The following CELSR1 variants were observed in gnomAD, a reference collection of about 807,000 sequenced individuals.
CELSR1 encodes adhesion G protein-coupled receptor C1.
A neutral mutation model predicts 249.1 loss-of-function variants in CELSR1; 110 were observed. That is an observed-to-expected ratio of 0.44 (90% CI 0.38 to 0.52). CELSR1 has a LOEUF of 0.52. CELSR1 is among the 20% of genes least tolerant of loss of function. The pLI is 0.00. For missense variants in CELSR1, 4,109 were observed against 4,296.4 expected, an observed-to-expected ratio of 0.96 and a Z score of 1.22; for synonymous variants, 2,113 against 1,900.0, an observed-to-expected ratio of 1.11 and a Z score of -2.92.
intron 12 of CELSR1, 63 bp downstream of exon 12, chr22:46,397,611 C>A: frequency 2.2e-6 from 3 of 1,354,656 alleles, no homozygotes; most frequent in Non-Finnish European, 2.9e-6. Context: ...CTGAGCCCCC[C>A]TCCTGTGTTT....
rs148833987 is a variant in CELSR1 at position 46,536,045 on chromosome 22, G to C, written c.1126C>G (p.Arg376Gly). ...ATGGGCGAGTCGCGGTCGCTGGCGC[G>C]GATGGTCAGCACCTCGTAGCCCACC... ...LEVGYEVLTIRASDRDSPINA... is the reference protein window; with the variant it reads ...LEVGYEVLTIGASDRDSPINA... Residue 376 changes from arginine to glycine, a missense_variant, in exon 1 of 35, where the codon CGC becomes GGC. Physicochemically the swap from Arg to Gly is moderately radical, Grantham distance 125. Around this residue, in one of 7 missense-constraint regions of CELSR1, gnomAD observed 673 missense variants for 636.8 expected, o/e 1.06. Transcript: ENST00000674500. 8 of 1,610,518 alleles carry C rather than the reference G, an allele frequency of 5.0e-6. No individual in the cohort carries two copies. In the African/African-American group the frequency reaches 8.0e-5, roughly 16 times the overall value.
At chr22:46,453,754 T>C (rs1391502306) in intron 2 of CELSR1, among the ~76,000 whole-genome samples, 2 of 152,188 alleles carry the variant, frequency 1.3e-5, no homozygotes, top group Non-Finnish European at 2.9e-5. Context: ...CCAGCAGCCC[T>C]GGGTCCAGAT....
chr22:46,391,054 G>T lies in CELSR1; in HGVS notation c.6250+132C>A. The T allele has an allele frequency of 2.8e-6, 2 of 710,138 alleles. No individual in the cohort carries two copies. Among genetic ancestry groups the T allele is most frequent in the Non-Finnish European group, 2.3e-6 (1 of 429,516 alleles). The allele number at this position is 710,138 out of a possible 1,614,324, so 44.0% of individuals were successfully genotyped here. On this transcript the variant is annotated intron_variant, in intron 16 of 34. Transcript: ENST00000674500. This position sits in a 1 kb window ranked among gnomAD's most constrained non-coding sequence, Gnocchi z 4.3. ...ATTTCCTGGTAGGGAAAAGGCGATC[G>T]GATTTCTCCCCAGCACTTTGCCTGC...
rs1444720635 is a variant in CELSR1, at chr22:46,366,406, G to A, written c.8280C>T (p.Ala2760=). The A allele has an allele frequency of 2.6e-6, 4 of 1,549,856 alleles. No individual in the cohort carries two copies. Residue 2760 remains alanine (A), a synonymous_variant, in exon 30 of 35, where the codon GCC becomes GCT. Coordinates refer to ENST00000674500, the MANE Select transcript of CELSR1 (RefSeq NM_001378328.1). ...MLRTDLGEST[A]SLDSIVRDEG... is the part of the protein sequence containing the mutation. ...CTGACCTGACGATGCTGTCCAGCGAGGCGGTGGACTCGCCCAAGTCTGTGC... is the reference window on the plus strand; with the variant it reads ...CTGACCTGACGATGCTGTCCAGCGAAGCGGTGGACTCGCCCAAGTCTGTGC...
chr22:46,385,307 G>A (rs2079020445), intron 19 of CELSR1, among the ~76,000 whole-genome samples: 1 of 152,020 alleles, frequency 6.6e-6, no homozygotes. Context: ...TATGGCGCCT[G>A]GCTGGTTTCG....
chr22:46,528,134 A>G (rs1602244317), intron 1 of CELSR1, among the ~76,000 whole-genome samples: 1 of 150,202 alleles, frequency 6.7e-6, no homozygotes, highest in Admixed American at 6.6e-5. Flanking sequence ...ATCCTTCCCT[A>G]CCCTGTGAGT....
At chr22:46,422,925 C>T (rs2079494435) in intron 5 of CELSR1, among the ~76,000 whole-genome samples, 1 of 152,226 alleles carries the variant, frequency 6.6e-6, no homozygotes, top group Admixed American at 6.5e-5. Context: ...TGGTATCCAC[C>T]TTTGCTATAA....
rs1213659919 is a variant in CELSR1, at chr22:46,537,593, G to A, written c.-423C>T. 5.4e-5 allele frequency among the ~76,000 whole-genome samples: 8 copies of A among 147,370 alleles called. No individual in the cohort carries two copies. The highest frequency in any genetic ancestry group is 1.7e-4 in the African/African-American group (7 of 40,902). ...AGCTCCGCGCCGCGCAGACCCCGGC[G>A]GCCGGCTGCTGCCTGGGCGGTGCGC... On this transcript the variant is annotated 5_prime_UTR_variant, in exon 1 of 35. Coordinates refer to ENST00000674500, the MANE Select transcript of CELSR1 (RefSeq NM_001378328.1). The surrounding 1 kb of genome is among the most constrained non-coding windows in gnomAD (Gnocchi z 5.8).
chr22:46,365,395 G>T lies in CELSR1; in HGVS notation c.8405-15C>A. 6.2e-7 allele frequency: 1 copy of T among 1,611,650 alleles called. No homozygotes were observed. On this transcript the variant is annotated splice_polypyrimidine_tract_variant and intron_variant, in intron 31 of 34. Transcript: ENST00000674500. Reference sequence around the variant, plus strand: ...GGAATCGTGGCCTGTGGATGCGCGGGGGACAGGGAGGCTCAGGCCCTGGGA... The same window carrying T: ...GGAATCGTGGCCTGTGGATGCGCGGTGGACAGGGAGGCTCAGGCCCTGGGA...
intron 1 of CELSR1, among the ~76,000 whole-genome samples, chr22:46,498,365 TC>T (rs570492289): frequency 1.4e-4 from 20 of 140,902 alleles, no homozygotes; most frequent in Non-Finnish European, 2.6e-4. Context: ...ATCCCAGCAC[TC>T]TGGGAGGCCA....
chr22:46,464,065 G>C lies in CELSR1; in HGVS notation c.3825C>G (p.Phe1275Leu). ...LLPGGVRGQF[F>L]PSEDLQEQIY... ...TCTGCTCCTGCAGGTCCTCCGACGG[G>C]AAGAACTGGCCGCGGACGCCGCCAG... Residue 1275 changes from phenylalanine to leucine, a missense_variant, in exon 2 of 35, where the codon TTC becomes TTG. By Grantham distance (22) the Phe-to-Leu change is conservative. Transcript: ENST00000674500. The surrounding 1 kb of genome is among the most constrained non-coding windows in gnomAD (Gnocchi z 8.5). The C allele has an allele frequency of 6.2e-7, 1 of 1,613,814 alleles. No individual in the cohort carries two copies. Among genetic ancestry groups the C allele is most frequent in the Non-Finnish European group, 8.5e-7 (1 of 1,180,048 alleles).
Position 46,535,487 on chromosome 22 carries a change from CGTT to C in CELSR1, c.1681_1683del (p.Asn561del). On this transcript the variant is annotated inframe_deletion, in exon 1 of 35. Transcript: ENST00000674500. ...AAGGGGCTGCTCACAAAGATAGGCTCGTTGTCGTTGACATCCAGCACCTGCACA... is the reference window on the plus strand; with the variant it reads ...AAGGGGCTGCTCACAAAGATAGGCTCGTCGTTGACATCCAGCACCTGCACA... The C allele has an allele frequency of 6.2e-7, 1 of 1,612,196 alleles. No individual in the cohort carries two copies. Among genetic ancestry groups the C allele is most frequent in the Non-Finnish European group, 8.5e-7 (1 of 1,179,502 alleles).
intron 2 of CELSR1, among the ~76,000 whole-genome samples, chr22:46,461,019 C>A (rs1190591221): frequency 6.6e-6 from 1 of 152,210 alleles, no homozygotes; most frequent in Non-Finnish European, 1.5e-5. Flanking sequence ...CCGATTCCAA[C>A]CTTGCAACCG....
rs1247666977 is a variant in CELSR1, at chr22:46,533,988, C to T, written c.3183G>A (p.Glu1061=). The T allele has an allele frequency of 6.2e-7, 1 of 1,613,648 alleles. No individual in the cohort carries two copies. The highest frequency in any genetic ancestry group is 2.2e-5 in the East Asian group (1 of 44,886). ...ACTCCCGCCGGACCTCAAAGTCCAG[C>T]TCCACCATGGCACGCAGGTCCCCGT... ...LLNGDLRAMV[E]LDFEVRREYV... The change falls in exon 1 of 35, where the codon GAG becomes GAA. Residue 1061 remains glutamate, a synonymous_variant. Transcript: ENST00000674500.
Position 46,463,798 on chromosome 22 carries a change from G to A in CELSR1, c.4092C>T (p.Ile1364=), listed in dbSNP as rs750752730. The A allele has an allele frequency of 6.8e-5, 109 of 1,606,986 alleles. No individual in the cohort carries two copies. The highest frequency in any genetic ancestry group is 1.6e-4 in the Middle Eastern group (1 of 6,070). ...CGCACGGGTCGGAGTAGCAGAGGTC[G>A]ATCTCCGTCTCGCAGTAGTCGCCGG... The part of the protein sequence containing the change: ...GFTGDYCETE[I]DLCYSDPCGA... Residue 1364 remains isoleucine, a synonymous_variant, in exon 2 of 35, where the codon ATC becomes ATT. Transcript: ENST00000674500.
rs909954760 is a variant in CELSR1, at chr22:46,427,560, C to T, written c.4611+5833G>A. Among the ~76,000 whole-genome samples the T allele has an allele frequency of 3.3e-5, 5 of 152,114 alleles. No individual in the cohort carries two copies. Among genetic ancestry groups the T allele is most frequent in the African/African-American group, 9.7e-5 (4 of 41,408 alleles). On this transcript the variant is annotated intron_variant, in intron 5 of 34. Coordinates refer to ENST00000674500, the MANE Select transcript of CELSR1 (RefSeq NM_001378328.1). This position sits in a 1 kb window ranked among gnomAD's most constrained non-coding sequence, Gnocchi z 4.2. ...AATAAAATAAATAAAATACACCCTACAACTATGGCTTTTAAAATCTAGTAA... is the reference window on the plus strand; with the variant it reads ...AATAAAATAAATAAAATACACCCTATAACTATGGCTTTTAAAATCTAGTAA...
rs2079616334 is a variant in CELSR1 at position 46,433,222 on chromosome 22, A to T, written c.4611+171T>A. Among the ~76,000 whole-genome samples, 1 of 152,004 alleles carries T rather than the reference A, an allele frequency of 6.6e-6. No homozygotes were observed. Among genetic ancestry groups the T allele is most frequent in the Non-Finnish European group, 1.5e-5 (1 of 67,998 alleles). ...TTTAATTTTTGTATTTTTGGTAGAGACAGGGTTTCGCCACGTTGGCCAAGC... is the reference window on the plus strand; with the variant it reads ...TTTAATTTTTGTATTTTTGGTAGAGTCAGGGTTTCGCCACGTTGGCCAAGC... On this transcript the variant is annotated intron_variant, in intron 5 of 34. Transcript: ENST00000674500. This position sits in a 1 kb window ranked among gnomAD's most constrained non-coding sequence, Gnocchi z 5.7.
Position 46,396,766 on chromosome 22 carries a change from A to G in CELSR1, c.5702-20T>C. The G allele has an allele frequency of 6.2e-7, 1 of 1,608,722 alleles. No individual in the cohort carries two copies. The highest frequency in any genetic ancestry group is 8.5e-7 in the Non-Finnish European group (1 of 1,177,610). ...GGTACCCTGCAAGGACAGAGCCAGC[A>G]TTACCTCCACCCACAATCCACGAGA... On this transcript the variant is annotated intron_variant, in intron 12 of 34. Coordinates refer to ENST00000674500, the MANE Select transcript of CELSR1 (RefSeq NM_001378328.1). This position sits in a 1 kb window ranked among gnomAD's most constrained non-coding sequence, Gnocchi z 6.4.
In CELSR1 at chr22:46,390,321, C is replaced by T; in HGVS notation, c.6345+71G>A. ...TCCCCAGCCCAGGAGCCTCGGCCCA[C>T]ACAAACTCTCTCACGCATACACGAA... On this transcript the variant is annotated intron_variant, in intron 17 of 34. Coordinates refer to ENST00000674500, the MANE Select transcript of CELSR1 (RefSeq NM_001378328.1). This position sits in a 1 kb window ranked among gnomAD's most constrained non-coding sequence, Gnocchi z 6.3. 1 of 1,290,276 alleles carries T rather than the reference C, an allele frequency of 7.8e-7. No homozygotes were observed. The highest frequency in any genetic ancestry group is 1.1e-6 in the Non-Finnish European group (1 of 922,240). The allele number at this position is 1,290,276 out of a possible 1,614,324, so 79.9% of individuals were successfully genotyped here. A position where few individuals can be genotyped will look rare whatever the true frequency, so the allele number is the denominator to read the frequency against.
Sources: gnomAD v4.1 joint callset for allele counts (sites outside exome capture counted in the v4.1 genomes callset) on GRCh38, gnomAD v4.1.1 for gene constraint, gnomAD v4.1.1 regional missense constraint, Gnocchi (gnomAD v3.1) non-coding constraint, MANE v1.5 for transcripts, NCBI Gene and HGNC (gene_info 2026-07-23, HGNC 2026-07-21) for gene names.